PTBP2: variants seen among roughly 807,000 people sequenced by gnomAD.
The protein encoded by PTBP2 is polypyrimidine tract binding protein 2.
Under a neutral mutation model 61.4 loss-of-function variants are expected in PTBP2, and 13 were observed. The ratio of observed to expected loss-of-function variants is 0.21; its 90% CI spans 0.14 to 0.34. The LOEUF (loss-of-function observed/expected upper bound fraction) is 0.34. PTBP2 is among the 10% of genes least tolerant of loss of function. The probability of loss-of-function intolerance (pLI) is 1.00; values close to 1 mark genes in which losing one functional copy is unlikely to be tolerated. For synonymous variants in PTBP2, 215 were observed against 218.5 expected (o/e 0.98, Z 0.14); for missense variants, 405 against 642.6 (o/e 0.63, Z 4.00).
chr1:96,724,174 G>T (rs12090671), intron 2 of PTBP2, among the ~76,000 whole-genome samples: 30,862 of 151,894 alleles, frequency 0.2, 3,291 homozygotes, highest in African/African-American at 0.27. Context: ...ACTACTCATC[G>T]TTTAAACTTT....
chr1:96,737,258 G>T (rs554407882), intron 2 of PTBP2, among the ~76,000 whole-genome samples: 1 of 152,076 alleles, frequency 6.6e-6, no homozygotes, highest in African/African-American at 2.4e-5. Context: ...GAGCCACTGC[G>T]ACCGGCCCAC....
chr1:96,729,265 A>G (rs1278721715), intron 2 of PTBP2, among the ~76,000 whole-genome samples: 1 of 152,110 alleles, frequency 6.6e-6, no homozygotes, highest in Admixed American at 6.5e-5. Context: ...CAAGTGATAC[A>G]CTTACCTAGG....
At chr1:96,780,108 C>CA (rs1313214020) in intron 7 of PTBP2, among the ~76,000 whole-genome samples, 1 of 152,050 alleles carries the variant, frequency 6.6e-6, no homozygotes, top group Admixed American at 6.6e-5. Flanking sequence ...TGCTAATACT[C>CA]ACACTTGTCT....
intron 12 of PTBP2, 35 bp from the exon 13 acceptor site, chr1:96,812,994 A>C (rs1388455941): frequency 6.3e-7 from 1 of 1,596,210 alleles, no homozygotes; most frequent in African/African-American, 1.3e-5. Flanking sequence ...ATTTATTCTT[A>C]ATCTTCACTT....
intron 8 of PTBP2, among the ~76,000 whole-genome samples, chr1:96,797,777 T>C (rs1164873205): frequency 6.6e-6 from 1 of 152,244 alleles, no homozygotes; most frequent in East Asian, 1.9e-4. Context: ...TAAATGGTTG[T>C]TATAGTGTAT....
At chr1:96,800,406 T>C (rs1302377476) in intron 8 of PTBP2, among the ~76,000 whole-genome samples, 2 of 151,764 alleles carry the variant, frequency 1.3e-5, no homozygotes. Flanking sequence ...TTTTTTTTTT[T>C]TTTTTTTTAA....
At chr1:96,820,309 A>G (rs60823668) in exon 14 of PTBP2, 8,040 of 152,164 alleles carry the variant, frequency 0.053, 243 homozygotes, top group Middle Eastern at 0.092. Context: ...GACATTTGCC[A>G]TGTACATTGT....
downstream of PTBP2, chr1:96,816,546 C>T (rs561279495): frequency 8.5e-5 from 13 of 152,112 alleles, no homozygotes; most frequent in South Asian, 6.2e-4. Context: ...TTATATTTAA[C>T]GTTAGCATTT....
At chr1:96,739,919 T>A (rs77824669) in intron 2 of PTBP2, among the ~76,000 whole-genome samples, 1 of 151,796 alleles carries the variant, frequency 6.6e-6, no homozygotes, top group South Asian at 2.1e-4. Context: ...CCACCGCGCC[T>A]GGCCAATCTG....
At chr1:96,780,715 A>G (rs923685153) in intron 7 of PTBP2, among the ~76,000 whole-genome samples, 2 of 150,004 alleles carry the variant, frequency 1.3e-5, no homozygotes, top group African/African-American at 2.5e-5. Flanking sequence ...TAAACCTCTT[A>G]TGATTCAGAC....
chr1:96,765,585 C>T (rs1321089640), intron 3 of PTBP2, among the ~76,000 whole-genome samples: 1 of 152,018 alleles, frequency 6.6e-6, no homozygotes. Context: ...GTGGTGCACA[C>T]CTGAATTCCC....
intron 2 of PTBP2, among the ~76,000 whole-genome samples, chr1:96,731,137 C>T (rs1214178025): frequency 6.6e-6 from 1 of 152,070 alleles, no homozygotes; most frequent in Non-Finnish European, 1.5e-5. Flanking sequence ...ATTTAGTTTC[C>T]TACATCGATG....
chr1:96,750,093 A>G (rs1357720408), intron 2 of PTBP2, among the ~76,000 whole-genome samples: 1 of 151,782 alleles, frequency 6.6e-6, no homozygotes, highest in Non-Finnish European at 1.5e-5. Flanking sequence ...GGGTTTTTAG[A>G]TCCCACCCTC....
rs182749548 is a variant in PTBP2, at chr1:96,757,704, T to G, written c.115+6204T>G. On this transcript the variant is annotated intron_variant, in intron 3 of 13. Transcript: ENST00000674951. ...TTGGATTATAAAATAACTCAATAAA[T>G]TTCAAATGATTGACAGCTAATGTAT... Among the ~76,000 whole-genome samples, 283 of 152,296 alleles carry G rather than the reference T, an allele frequency of 1.9e-3. 1 individual carries two copies. Among genetic ancestry groups the G allele is most frequent in the African/African-American group, 6.6e-3 (273 of 41,580 alleles).
chr1:96,764,410 C>T (rs1656414964), intron 3 of PTBP2, among the ~76,000 whole-genome samples: 1 of 152,184 alleles, frequency 6.6e-6, no homozygotes, highest in African/African-American at 2.4e-5. Context: ...CTTGACAATT[C>T]TAAGGTACAG....
intron 10 of PTBP2, 65 bp from the exon 11 acceptor site, chr1:96,806,801 C>A: frequency 2.5e-6 from 3 of 1,177,428 alleles, no homozygotes; most frequent in South Asian, 1.3e-5. Context: ...GAAAGATAAT[C>A]TTTAGGTGAC....
intron 2 of PTBP2, among the ~76,000 whole-genome samples, chr1:96,746,073 A>AC (rs748250209): frequency 1.4e-4 from 21 of 147,358 alleles, no homozygotes; most frequent in South Asian, 6.6e-4. Flanking sequence ...CTCAAAAACA[A>AC]ACAAAAAAAA....
At chr1:96,753,950 G>C (rs1654869877) in intron 3 of PTBP2, among the ~76,000 whole-genome samples, 1 of 152,138 alleles carries the variant, frequency 6.6e-6, no homozygotes, top group Non-Finnish European at 1.5e-5. Context: ...TTGAATTTCA[G>C]AGTGAGAATG....
chr1:96,749,564 A>G (rs997342042), intron 2 of PTBP2: 4 of 434,106 alleles, frequency 9.2e-6, no homozygotes, highest in Non-Finnish European at 1.9e-5. Context: ...GATTTATGGA[A>G]GAGCTGGCTT....
Sources: allele counts gnomAD v4.1 joint callset (sites outside exome capture counted in the v4.1 genomes callset), GRCh38; gene constraint gnomAD v4.1.1; transcripts MANE v1.5; gene names NCBI Gene and HGNC (gene_info 2026-07-23, HGNC 2026-07-21).